Variants in PAG1 observed in about 807,000 individuals in gnomAD.
PAG1 encodes phosphoprotein associated with glycosphingolipid-enriched microdomains 1.
A neutral mutation model predicts 31.7 loss-of-function variants in PAG1; 23 were observed. The observed-to-expected ratio is 0.73, with a 90% CI of 0.52 to 1.03. The LOEUF (loss-of-function observed/expected upper bound fraction) is 1.03, where lower values mean the gene tolerates loss of function less well. Among genes scored for constraint, PAG1 ranks in the 50% least tolerant of loss-of-function variants. PAG1 has a pLI of 0.00. For missense variants in PAG1, 473 were observed against 540.7 expected, an observed-to-expected ratio of 0.87 and a Z score of 1.24; for synonymous variants, 214 against 210.3, an observed-to-expected ratio of 1.02 and a Z score of -0.15.
intron 3 of PAG1, among the ~76,000 whole-genome samples, chr8:81,013,927 T>G (rs1219421715): frequency 6.6e-6 from 1 of 152,196 alleles, no homozygotes; most frequent in Non-Finnish European, 1.5e-5. Context: ...ATAAATTCTC[T>G]ACAGTGCCAG....
At chr8:81,068,554 A>C (rs556054167) in intron 2 of PAG1, among the ~76,000 whole-genome samples, 55 of 152,316 alleles carry the variant, frequency 3.6e-4, no homozygotes, top group African/African-American at 1.3e-3. Context: ...GCTTATATCT[A>C]GTCAGAAAAA....
intron 1 of PAG1, among the ~76,000 whole-genome samples, chr8:81,105,480 T>A (rs1809679576): frequency 6.6e-6 from 1 of 151,952 alleles, no homozygotes; most frequent in Admixed American, 6.6e-5. Flanking sequence ...CAGGAAAAAA[T>A]TAATAAGGCC....
chr8:81,007,726 C>T (rs1279962280), intron 3 of PAG1, among the ~76,000 whole-genome samples: 1 of 150,534 alleles, frequency 6.6e-6, no homozygotes. Flanking sequence ...TGAGTTCACA[C>T]TTCTCTGCCA....
intron 2 of PAG1, among the ~76,000 whole-genome samples, chr8:81,052,754 T>G (rs1808754141): frequency 6.6e-6 from 1 of 152,254 alleles, no homozygotes; most frequent in Admixed American, 6.5e-5. Context: ...ACACAAAAGC[T>G]AATGTCTTTG....
At chr8:81,007,656 A>AAAAAAAAAAAAT in intron 3 of PAG1, among the ~76,000 whole-genome samples, 1 of 150,808 alleles carries the variant, frequency 6.6e-6, no homozygotes, top group Non-Finnish European at 1.5e-5. Context: ...AAAAAAAAAA[A>AAAAAAAAAAAAT]AAAAGAACTT....
intron 2 of PAG1, among the ~76,000 whole-genome samples, chr8:81,042,501 C>A (rs1399636778): frequency 6.6e-6 from 1 of 152,120 alleles, no homozygotes; most frequent in Non-Finnish European, 1.5e-5. Flanking sequence ...ATAATTTTGG[C>A]AGAAAATCTT....
At chr8:81,080,555 C>A (rs567717508) in intron 1 of PAG1, among the ~76,000 whole-genome samples, 35 of 152,238 alleles carry the variant, frequency 2.3e-4, no homozygotes, top group African/African-American at 8.2e-4. Flanking sequence ...CTGAGGCAAA[C>A]AACCTCATCT....
At chr8:81,076,205 CA>C (rs757317729) in intron 1 of PAG1, among the ~76,000 whole-genome samples, 5 of 152,238 alleles carry the variant, frequency 3.3e-5, no homozygotes, top group Middle Eastern at 3.2e-3. Flanking sequence ...GTCAGTTCAG[CA>C]AATGCAAATG....
At chr8:81,049,845 C>G (rs1228887415) in intron 2 of PAG1, among the ~76,000 whole-genome samples, 1 of 152,162 alleles carries the variant, frequency 6.6e-6, no homozygotes, top group Non-Finnish European at 1.5e-5. Flanking sequence ...ACTAACAGGG[C>G]TGGTACTCCA....
chr8:80,995,446 G>A (rs1005912193), intron 3 of PAG1, among the ~76,000 whole-genome samples: 12 of 152,202 alleles, frequency 7.9e-5, no homozygotes, highest in Non-Finnish European at 1.8e-4. Context: ...GTGATTTGTT[G>A]ATGCAAAGAA....
At chr8:80,993,786 T>C (rs150835939) in intron 3 of PAG1, among the ~76,000 whole-genome samples, 77 of 151,602 alleles carry the variant, frequency 5.1e-4, no homozygotes, top group African/African-American at 1.6e-3. Context: ...TTTTATTTTT[T>C]GTAGAGACGA....
At chr8:81,018,128 T>C (rs1808103214) in intron 3 of PAG1, among the ~76,000 whole-genome samples, 1 of 152,194 alleles carries the variant, frequency 6.6e-6, no homozygotes, top group Non-Finnish European at 1.5e-5. Flanking sequence ...ATATGAACAT[T>C]TGGCAAGGTC....
intron 2 of PAG1, chr8:81,067,354 A>C (rs1206003800): frequency 6.6e-6 from 1 of 152,164 alleles, no homozygotes; most frequent in Non-Finnish European, 1.5e-5. Flanking sequence ...ACACACACAC[A>C]ATAAACACAA....
intron 3 of PAG1, among the ~76,000 whole-genome samples, chr8:80,996,753 C>T (rs1206801890): frequency 6.6e-6 from 1 of 152,148 alleles, no homozygotes; most frequent in Non-Finnish European, 1.5e-5. Context: ...GGTTTAACTG[C>T]CCTTAAATGC....
At chr8:81,052,516 C>T (rs1393336795) in intron 2 of PAG1, among the ~76,000 whole-genome samples, 1 of 152,114 alleles carries the variant, frequency 6.6e-6, no homozygotes, top group Non-Finnish European at 1.5e-5. Context: ...GTAAAATCAT[C>T]CTTAATTTGA....
At chr8:80,985,877 G>C (rs529459917) in intron 6 of PAG1, among the ~76,000 whole-genome samples, 1 of 152,138 alleles carries the variant, frequency 6.6e-6, no homozygotes, top group Non-Finnish European at 1.5e-5. Context: ...ACATGCACCC[G>C]TCAGCCATTA....
In PAG1 at chr8:80,976,676, C is replaced by T. The variant is rs147787058; in HGVS notation, c.1167G>A (p.Ala389=). Residue 389 remains alanine, a synonymous_variant, in exon 9 of 9, where the codon GCG becomes GCA. Coordinates refer to ENST00000220597, the MANE Select transcript of PAG1 (RefSeq NM_018440.4). ...PSEEPEPDYE[A]IQTLNREEEK... ...CTTCCTCTCTGTTGAGAGTCTGTAT[C>T]GCTTCATAATCAGGCTCTGGCTCCT... 104 of 1,614,050 alleles carry T rather than the reference C, an allele frequency of 6.4e-5. No homozygotes were observed. Among genetic ancestry groups the T allele is most frequent in the Non-Finnish European group, 7.8e-5 (92 of 1,180,030 alleles).
chr8:80,976,712 C>G lies in PAG1; in HGVS notation c.1131G>C (p.Gly377=), dbSNP rs1024477336. The G allele has an allele frequency of 2.5e-6, 4 of 1,614,022 alleles. No homozygotes were observed. The highest frequency in any genetic ancestry group is 2.7e-5 in the African/African-American group (2 of 74,910). ...KTPNSTLPPA[G]RPSEEPEPDY... Reference sequence around the variant, plus strand: ...CAGGCTCTGGCTCCTCGCTGGGCCTCCCTGCTGGTGGAAGTGTGCTGTTTG... The same window carrying G: ...CAGGCTCTGGCTCCTCGCTGGGCCTGCCTGCTGGTGGAAGTGTGCTGTTTG... Residue 377 remains glycine (G), a synonymous_variant, in exon 9 of 9, where the codon GGG becomes GGC. Transcript: ENST00000220597.
intron 1 of PAG1, among the ~76,000 whole-genome samples, chr8:81,076,860 C>T (rs1271345245): frequency 1.3e-5 from 2 of 152,184 alleles, no homozygotes; most frequent in Non-Finnish European, 2.9e-5. Context: ...GTTGTCAAGT[C>T]TGATAAGGCA....
Sources: allele counts gnomAD v4.1 joint callset (sites outside exome capture counted in the v4.1 genomes callset), GRCh38; gene constraint gnomAD v4.1.1; transcripts MANE v1.5; gene names NCBI Gene and HGNC (gene_info 2026-07-23, HGNC 2026-07-21).